Variants in MICU2 observed in about 807,000 individuals in gnomAD.
MICU2 encodes the protein calcium uptake protein 2, mitochondrial.
In MICU2, 64 loss-of-function variants were observed where a neutral mutation model predicts 60.4. The ratio of observed to expected loss-of-function variants is 1.06; its 90% CI spans 0.87 to 1.31. The LOEUF (loss-of-function observed/expected upper bound fraction) is 1.31, where lower values mean the gene tolerates loss of function less well. MICU2 is among the 50% of genes most tolerant of loss of function. The probability of loss-of-function intolerance (pLI) is 0.00; values close to 1 mark genes in which losing one functional copy is unlikely to be tolerated. For missense variants in MICU2, 569 were observed against 531.0 expected (o/e 1.07, Z -0.70); for synonymous variants, 201 against 175.0 (o/e 1.15, Z -1.17).
chr13:21,597,964 G>A (rs1413850124), intron 1 of MICU2, among the ~76,000 whole-genome samples: 3 of 147,464 alleles, frequency 2.0e-5, no homozygotes, highest in South Asian at 2.2e-4. Flanking sequence ...TTCAAAGAGC[G>A]ATAAGTACTA....
intron 8 of MICU2, among the ~76,000 whole-genome samples, chr13:21,506,185 C>T (rs1397352863): frequency 6.6e-6 from 1 of 152,108 alleles, no homozygotes; most frequent in Non-Finnish European, 1.5e-5. Flanking sequence ...CACCACCCCA[C>T]CCATCTCTTT....
Position 21,604,063 on chromosome 13 carries a change from A to AC in MICU2, c.85dup (p.Val29GlyfsTer46). On this transcript the variant is annotated frameshift_variant, in exon 1 of 12. Coordinates refer to ENST00000382374, the MANE Select transcript of MICU2 (RefSeq NM_152726.3). LOFTEE classifies it high-confidence loss of function. The stretch of plus-strand genomic sequence containing the variant: ...CGCTGCCAAGGGGCCGGGACTCCGC[A>AC]CAGCCTGTCGGCTGACAGCGAGCCC... The AC allele has an allele frequency of 6.2e-7, 1 of 1,603,218 alleles. No individual in the cohort carries two copies. The highest frequency in any genetic ancestry group is 1.1e-5 in the South Asian group (1 of 90,164).
At chr13:21,497,528 G>T (rs1886031935) in intron 9 of MICU2, among the ~76,000 whole-genome samples, 1 of 152,054 alleles carries the variant, frequency 6.6e-6, no homozygotes, top group African/African-American at 2.4e-5. Context: ...GGGCAACATG[G>T]TGAAACCCCC....
intron 4 of MICU2, among the ~76,000 whole-genome samples, chr13:21,537,604 G>A (rs1282031078): frequency 2.6e-5 from 4 of 151,750 alleles, no homozygotes; most frequent in African/African-American, 9.7e-5. Context: ...TGAGTAGCTG[G>A]GATTACAGGC....
Position 21,493,123 on chromosome 13 carries a change from T to C in MICU2, c.*126A>G. The C allele has an allele frequency of 3.9e-6, 2 of 512,194 alleles. No individual in the cohort carries two copies. Among genetic ancestry groups the C allele is most frequent in the Middle Eastern group, 5.2e-4 (1 of 1,922 alleles). The allele number at this position is 512,194 out of a possible 1,614,324, so 31.7% of individuals were successfully genotyped here. A position where few individuals can be genotyped will look rare whatever the true frequency, so the allele number is the denominator to read the frequency against. ...ATAAAATTATGAATCAGAAAGCAAGTACAAGACATGCTTATTTCACACAGA... is the reference window on the plus strand; with the variant it reads ...ATAAAATTATGAATCAGAAAGCAAGCACAAGACATGCTTATTTCACACAGA... On this transcript the variant is annotated 3_prime_UTR_variant, in exon 12 of 12. Coordinates refer to ENST00000382374, the MANE Select transcript of MICU2 (RefSeq NM_152726.3).
chr13:21,517,025 A>G (rs1047765285), intron 6 of MICU2, among the ~76,000 whole-genome samples: 4 of 152,200 alleles, frequency 2.6e-5, no homozygotes, highest in African/African-American at 9.6e-5. Context: ...TGGATTAACC[A>G]TTCCTGGCTT....
chr13:21,569,809 T>C (rs1019913001), intron 1 of MICU2, among the ~76,000 whole-genome samples: 8 of 151,548 alleles, frequency 5.3e-5, no homozygotes, highest in African/African-American at 1.9e-4. Context: ...TTTTGTCATC[T>C]TCGTTTTACA....
At chr13:21,573,213 C>G (rs980914754) in intron 1 of MICU2, among the ~76,000 whole-genome samples, 1 of 152,048 alleles carries the variant, frequency 6.6e-6, no homozygotes, top group Admixed American at 6.6e-5. Flanking sequence ...TGTTACATGT[C>G]AAATAAAATT....
intron 1 of MICU2, among the ~76,000 whole-genome samples, chr13:21,589,868 A>G (rs1253846225): frequency 6.9e-6 from 1 of 144,564 alleles, no homozygotes; most frequent in Non-Finnish European, 1.6e-5. Context: ...ATACAGCAGC[A>G]AGGGTCACGT....
At chr13:21,496,352 C>T (rs1054558491) in intron 9 of MICU2, 192 bp from the exon 10 acceptor site, 1 of 523,544 alleles carries the variant, frequency 1.9e-6, no homozygotes, top group Non-Finnish European at 3.4e-6. Flanking sequence ...TGAGAAGGTG[C>T]TGTGTGCAGG....
At chr13:21,498,523 C>T (rs535183924) in intron 9 of MICU2, among the ~76,000 whole-genome samples, 132 of 152,166 alleles carry the variant, frequency 8.7e-4, no homozygotes, top group African/African-American at 2.9e-3. Flanking sequence ...GGACTGCAGG[C>T]ACCCACCACC....
At chr13:21,552,457 G>A (rs1041642662) in intron 2 of MICU2, among the ~76,000 whole-genome samples, 5 of 152,078 alleles carry the variant, frequency 3.3e-5, no homozygotes, top group African/African-American at 1.2e-4. Flanking sequence ...GTCAATTTTG[G>A]CTTCTGTTGT....
chr13:21,584,720 G>A (rs1005518824), intron 1 of MICU2, among the ~76,000 whole-genome samples: 1 of 151,968 alleles, frequency 6.6e-6, no homozygotes, highest in African/African-American at 2.4e-5. Context: ...TATTTATGAA[G>A]TTATTGAGAC....
At chr13:21,581,291 T>C (rs1888342642) in intron 1 of MICU2, among the ~76,000 whole-genome samples, 1 of 152,160 alleles carries the variant, frequency 6.6e-6, no homozygotes, top group East Asian at 1.9e-4. Context: ...CTAATTTTTG[T>C]ATTTTTAGTA....
At position 21,524,502 on chromosome 13, in the gene MICU2, T is replaced by C. The variant is rs1424562798; in HGVS notation, c.467-1852A>G. Among the ~76,000 whole-genome samples, 7 of 152,206 alleles carry C rather than the reference T, an allele frequency of 4.6e-5. 1 individual carries two copies. Reference sequence around the variant, plus strand: ...TAACATCTTCAAATTCAAATCAGCATTATCAATTTTCCTGTTTTAGACAAG... The same window carrying C: ...TAACATCTTCAAATTCAAATCAGCACTATCAATTTTCCTGTTTTAGACAAG... On this transcript the variant is annotated intron_variant, in intron 4 of 11. Coordinates refer to ENST00000382374, the MANE Select transcript of MICU2 (RefSeq NM_152726.3).
At chr13:21,499,179 G>A (rs946792337) in intron 9 of MICU2, among the ~76,000 whole-genome samples, 4 of 152,074 alleles carry the variant, frequency 2.6e-5, no homozygotes, top group Non-Finnish European at 2.9e-5. Flanking sequence ...TCAAACTCCC[G>A]GCCTCAGGTG....
At chr13:21,550,721 GAC>G (rs1887538694) in intron 2 of MICU2, among the ~76,000 whole-genome samples, 1 of 152,130 alleles carries the variant, frequency 6.6e-6, no homozygotes, top group Non-Finnish European at 1.5e-5. Flanking sequence ...TAGTAAGAGT[GAC>G]AGTTTCAGAG....
At chr13:21,597,379 C>T (rs954593045) in intron 1 of MICU2, among the ~76,000 whole-genome samples, 1 of 152,094 alleles carries the variant, frequency 6.6e-6, no homozygotes, top group African/African-American at 2.4e-5. Flanking sequence ...TTTAATATAT[C>T]TGGGACAGTT....
chr13:21,526,787 T>C (rs2138174568), intron 4 of MICU2, among the ~76,000 whole-genome samples: 1 of 146,654 alleles, frequency 6.8e-6, no homozygotes, highest in Non-Finnish European at 1.5e-5. Flanking sequence ...TCTGAAATAA[T>C]GCTCATGTGG....
Sources: gnomAD v4.1 joint callset for allele counts (sites outside exome capture counted in the v4.1 genomes callset) on GRCh38, gnomAD v4.1.1 for gene constraint, MANE v1.5 for transcripts, NCBI Gene and HGNC (gene_info 2026-07-23, HGNC 2026-07-21) for gene names.